ZFAND3: variants seen among roughly 807,000 people sequenced by gnomAD.
The protein encoded by ZFAND3 is AN1-type zinc finger protein 3.
ZFAND3 carries 10 observed loss-of-function variants against 29.6 expected under a neutral mutation model. That is an observed-to-expected ratio of 0.34 (90% CI 0.21 to 0.57). The LOEUF (loss-of-function observed/expected upper bound fraction) is 0.57, where lower values mean the gene tolerates loss of function less well. ZFAND3 is among the 20% of genes least tolerant of loss of function. The pLI is 0.86. For missense variants in ZFAND3, 230 were observed against 304.5 expected (o/e 0.76, Z 1.82); for synonymous variants, 128 against 112.6 (o/e 1.14, Z -0.87).
chr6:37,921,381 T>A (rs11754247), intron 1 of ZFAND3, among the ~76,000 whole-genome samples: 10,178 of 152,086 alleles, frequency 0.067, 400 homozygotes, highest in Non-Finnish European at 0.085. Context: ...TGTTTTTTTT[T>A]ATACTTTTCT....
At chr6:37,849,056 A>G (rs139684786) in intron 1 of ZFAND3, among the ~76,000 whole-genome samples, 80 of 152,340 alleles carry the variant, frequency 5.3e-4, no homozygotes, top group African/African-American at 1.8e-3. Flanking sequence ...TTATAAGCCA[A>G]TAGTGTCTTC....
intron 2 of ZFAND3, among the ~76,000 whole-genome samples, chr6:37,946,869 G>A (rs1761912669): frequency 6.6e-6 from 1 of 152,142 alleles, no homozygotes; most frequent in Non-Finnish European, 1.5e-5. Flanking sequence ...GTTTCCAGGG[G>A]CTAGAGGGTG....
chr6:37,952,373 T>C (rs1226462890), intron 2 of ZFAND3, among the ~76,000 whole-genome samples: 1 of 152,196 alleles, frequency 6.6e-6, no homozygotes, highest in Non-Finnish European at 1.5e-5. Flanking sequence ...ACAGATTCAA[T>C]TTCGGAACTT....
At chr6:37,834,204 T>G (rs1030858415) in intron 1 of ZFAND3, among the ~76,000 whole-genome samples, 2 of 152,216 alleles carry the variant, frequency 1.3e-5, no homozygotes, top group Non-Finnish European at 2.9e-5. Context: ...AACTTTTCAT[T>G]GTCTCCCTAA....
intron 4 of ZFAND3, among the ~76,000 whole-genome samples, chr6:38,090,442 C>G (rs894211018): frequency 6.6e-6 from 1 of 152,182 alleles, no homozygotes. Flanking sequence ...ACCTTATGCA[C>G]TCATCATCTT....
intron 2 of ZFAND3, among the ~76,000 whole-genome samples, chr6:38,011,214 T>C (rs76056010): frequency 0.064 from 9,738 of 152,300 alleles, 422 homozygotes; most frequent in Middle Eastern, 0.095. Context: ...GATGGATATT[T>C]GGGTTATTTC....
chr6:38,132,776 T>C (rs1346669618), intron 5 of ZFAND3, among the ~76,000 whole-genome samples: 1 of 151,924 alleles, frequency 6.6e-6, no homozygotes, highest in East Asian at 1.9e-4. Context: ...GTATGGCATC[T>C]CCTGTTGCTG....
At chr6:38,144,231 A>ATATATATATATAATATATATATATAT (rs1365246829) in intron 5 of ZFAND3, among the ~76,000 whole-genome samples, 11 of 75,268 alleles carry the variant, frequency 1.5e-4, no homozygotes, top group South Asian at 4.2e-4. Context: ...ATATATATAT[A>ATATATATATATAATATATATATATAT]TTTTTTTTTT....
chr6:38,128,811 G>A (rs1004247756), intron 5 of ZFAND3, among the ~76,000 whole-genome samples: 1 of 152,190 alleles, frequency 6.6e-6, no homozygotes, highest in Non-Finnish European at 1.5e-5. Context: ...ACATCCATGT[G>A]CAAGTATCTT....
intron 2 of ZFAND3, among the ~76,000 whole-genome samples, chr6:37,954,826 C>CT (rs1762057783): frequency 6.6e-6 from 1 of 152,180 alleles, no homozygotes; most frequent in Admixed American, 6.5e-5. Context: ...CAGTCTAGGA[C>CT]TAATTATTCC....
At chr6:37,928,986 A>G (rs537123360) in intron 1 of ZFAND3, among the ~76,000 whole-genome samples, 2 of 152,266 alleles carry the variant, frequency 1.3e-5, no homozygotes, top group African/African-American at 2.4e-5. Context: ...CTGCCCACCT[A>G]TGTAATGGGG....
intron 4 of ZFAND3, among the ~76,000 whole-genome samples, chr6:38,091,434 C>T (rs954471390): frequency 3.4e-5 from 5 of 145,138 alleles, no homozygotes; most frequent in East Asian, 4.1e-4. Flanking sequence ...AAAAGCATAT[C>T]GGGAATTTAA....
intron 1 of ZFAND3, among the ~76,000 whole-genome samples, chr6:37,845,708 C>G (rs1581704344): frequency 2.0e-5 from 3 of 152,270 alleles, no homozygotes; most frequent in African/African-American, 7.2e-5. Flanking sequence ...CTGGACTTGT[C>G]CCTTCCTTGT....
At chr6:38,073,033 A>C (rs1382436625) in intron 3 of ZFAND3, among the ~76,000 whole-genome samples, 1 of 152,300 alleles carries the variant, frequency 6.6e-6, no homozygotes, top group East Asian at 1.9e-4. Flanking sequence ...AAAGCAAGAC[A>C]GTTGGACTAA....
At chr6:38,077,173 A>C (rs1414040324) in intron 3 of ZFAND3, among the ~76,000 whole-genome samples, 2 of 151,342 alleles carry the variant, frequency 1.3e-5, no homozygotes, top group African/African-American at 4.9e-5. Context: ...GATATCCTGA[A>C]TCTCTCTCTG....
intron 2 of ZFAND3, among the ~76,000 whole-genome samples, chr6:38,040,295 A>G (rs912408564): frequency 3.9e-5 from 6 of 152,182 alleles, no homozygotes; most frequent in Admixed American, 2.0e-4. Flanking sequence ...AATTCACTTA[A>G]CATAAAAGTA....
chr6:37,863,944 C>T (rs1764539470), intron 1 of ZFAND3, among the ~76,000 whole-genome samples: 1 of 152,096 alleles, frequency 6.6e-6, no homozygotes, highest in Admixed American at 6.6e-5. Context: ...GAATCCATCT[C>T]CATGATTTGT....
chr6:38,005,825 G>A (rs1763038273), intron 2 of ZFAND3, among the ~76,000 whole-genome samples: 1 of 152,184 alleles, frequency 6.6e-6, no homozygotes, highest in Non-Finnish European at 1.5e-5. Flanking sequence ...GACCACTTGA[G>A]TGTTGTTATC....
intron 2 of ZFAND3, among the ~76,000 whole-genome samples, chr6:38,059,750 G>A (rs752697712): frequency 3.3e-5 from 5 of 151,984 alleles, no homozygotes; most frequent in Non-Finnish European, 5.9e-5. Context: ...GGTGGTACAC[G>A]TCTGTAATCC....
Sources: allele counts gnomAD v4.1 joint callset (sites outside exome capture counted in the v4.1 genomes callset), GRCh38; gene constraint gnomAD v4.1.1; transcripts MANE v1.5; gene names NCBI Gene and HGNC (gene_info 2026-07-23, HGNC 2026-07-21).